Variants in ANO6 observed in about 807,000 individuals in gnomAD.
ANO6 encodes anoctamin-6.
In ANO6, 106 loss-of-function variants were observed where a neutral mutation model predicts 117.5. The ratio of observed to expected loss-of-function variants is 0.90; its 90% CI spans 0.77 to 1.06. The LOEUF is 1.06. Ranked by LOEUF, ANO6 falls within the 50% of genes least tolerant of loss-of-function variation. The pLI, the probability that ANO6 is intolerant of heterozygous loss-of-function variation, is 0.00. For synonymous variants in ANO6, 367 were observed against 385.1 expected (o/e 0.95, Z 0.55); for missense variants, 955 against 1,121.1 (o/e 0.85, Z 2.12).
intron 12 of ANO6, among the ~76,000 whole-genome samples, chr12:45,391,029 G>A (rs746762756): frequency 6.6e-5 from 10 of 151,982 alleles, no homozygotes; most frequent in African/African-American, 2.4e-4. Flanking sequence ...GCTGAGGCAC[G>A]AGAGTCACTT....
chr12:45,359,881 A>G (rs917272553), intron 8 of ANO6, among the ~76,000 whole-genome samples: 1 of 152,208 alleles, frequency 6.6e-6, no homozygotes, highest in African/African-American at 2.4e-5. Flanking sequence ...TTCCAAAGTG[A>G]CTGCATATTC....
chr12:45,218,260 A>G (rs1947345615), intron 1 of ANO6, among the ~76,000 whole-genome samples: 1 of 151,812 alleles, frequency 6.6e-6, no homozygotes, highest in African/African-American at 2.4e-5. Context: ...ATCTCAACAT[A>G]TTTTACGTCA....
At chr12:45,392,482 C>T (rs1235773171) in intron 12 of ANO6, among the ~76,000 whole-genome samples, 1 of 152,234 alleles carries the variant, frequency 6.6e-6, no homozygotes, top group Non-Finnish European at 1.5e-5. Flanking sequence ...TCTGACAGCT[C>T]TGAAGAGAGC....
chr12:45,316,957 A>C (rs1383268547), intron 2 of ANO6, among the ~76,000 whole-genome samples: 1 of 149,788 alleles, frequency 6.7e-6, no homozygotes, highest in Non-Finnish European at 1.5e-5. Flanking sequence ...AAACACTTAA[A>C]ACTGAGAAAT....
At chr12:45,280,653 C>T (rs1353753592) in intron 1 of ANO6, among the ~76,000 whole-genome samples, 1 of 152,102 alleles carries the variant, frequency 6.6e-6, no homozygotes, top group East Asian at 1.9e-4. Context: ...CCTGGCACAC[C>T]GAGTCAGCAG....
intron 1 of ANO6, among the ~76,000 whole-genome samples, chr12:45,260,174 G>T (rs962030297): frequency 2.0e-5 from 3 of 152,218 alleles, no homozygotes; most frequent in Non-Finnish European, 4.4e-5. Context: ...GAAAGAAAAA[G>T]GTTGAGTTTT....
At chr12:45,245,945 C>CA (rs560906864) in intron 1 of ANO6, among the ~76,000 whole-genome samples, 7,521 of 100,562 alleles carry the variant, frequency 0.075, 521 homozygotes, top group African/African-American at 0.2. Context: ...ACATTTTAGT[C>CA]AAAAAAAAAA....
chr12:45,331,322 C>G lies in ANO6; in HGVS notation c.178C>G (p.Leu60Val). The change falls in exon 3 of 20, where the codon CTC (leucine) becomes GTC (valine). Residue 60 changes from leucine to valine, a missense_variant. By Grantham distance (32) the Leu-to-Val change is conservative. Transcript: ENST00000320560. ...AGAATTTAATGGAAAACCTGACTCC[C>G]TCTTTTTTAATGATGGCCAGCGAAG... ...FEEFNGKPDS[L>V]FFNDGQRRID... The G allele has an allele frequency of 6.2e-7, 1 of 1,609,582 alleles. No individual in the cohort carries two copies. The highest frequency in any genetic ancestry group is 1.3e-5 in the African/African-American group (1 of 74,834).
chr12:45,234,749 C>G (rs1228024019), intron 1 of ANO6, among the ~76,000 whole-genome samples: 2 of 115,968 alleles, frequency 1.7e-5, no homozygotes, highest in African/African-American at 6.7e-5. Context: ...GCTTTTGATT[C>G]CCACTTCCTA....
intron 12 of ANO6, among the ~76,000 whole-genome samples, chr12:45,394,897 G>A (rs561501602): frequency 5.9e-5 from 9 of 152,302 alleles, no homozygotes; most frequent in African/African-American, 1.7e-4. Flanking sequence ...AAGCAGGAAC[G>A]ATCTAAAATC....
chr12:45,394,533 G>A (rs1318620598), intron 12 of ANO6, among the ~76,000 whole-genome samples: 1 of 152,166 alleles, frequency 6.6e-6, no homozygotes, highest in East Asian at 1.9e-4. Context: ...AAAAACAACA[G>A]AATATACATT....
intron 7 of ANO6, among the ~76,000 whole-genome samples, chr12:45,351,799 C>G (rs976823484): frequency 4.6e-5 from 7 of 151,972 alleles, no homozygotes; most frequent in African/African-American, 1.7e-4. Context: ...GCAGGAGCGC[C>G]GAAAAGAGTT....
chr12:45,261,213 A>G (rs1225672332), intron 1 of ANO6, among the ~76,000 whole-genome samples: 2 of 152,224 alleles, frequency 1.3e-5, no homozygotes, highest in Admixed American at 6.5e-5. Context: ...TGAGGAACAA[A>G]GAATAGGAAA....
At chr12:45,328,479 G>C (rs775459600) in intron 2 of ANO6, among the ~76,000 whole-genome samples, 65 of 152,146 alleles carry the variant, frequency 4.3e-4, no homozygotes, top group Admixed American at 9.8e-4. Flanking sequence ...GCACCGTTTT[G>C]TTGGAAAAAA....
At chr12:45,331,544 A>G (rs917159592) in intron 3 of ANO6, 121 bp downstream of exon 3, 62 of 977,712 alleles carry the variant, frequency 6.3e-5, no homozygotes, top group Non-Finnish European at 9.2e-5. Context: ...AAACAGTTTC[A>G]TATTTTCTCT....
chr12:45,372,878 C>T (rs1209590310), intron 9 of ANO6, among the ~76,000 whole-genome samples: 1 of 152,154 alleles, frequency 6.6e-6, no homozygotes, highest in African/African-American at 2.4e-5. Flanking sequence ...CTTTAAATGT[C>T]AATGGACTAA....
At chr12:45,255,450 G>A (rs1426550350) in intron 1 of ANO6, among the ~76,000 whole-genome samples, 4 of 152,252 alleles carry the variant, frequency 2.6e-5, no homozygotes, top group South Asian at 2.1e-4. Context: ...TGGCAGCTGA[G>A]ATTGTGCCAC....
intron 1 of ANO6, among the ~76,000 whole-genome samples, chr12:45,232,859 A>G (rs768974736): frequency 3.3e-5 from 5 of 152,206 alleles, no homozygotes; most frequent in Non-Finnish European, 5.9e-5. Flanking sequence ...TAGCATAATT[A>G]TCTTCCTTTC....
intron 1 of ANO6, among the ~76,000 whole-genome samples, chr12:45,257,197 T>C (rs751621632): frequency 2.6e-5 from 4 of 152,260 alleles, no homozygotes; most frequent in Non-Finnish European, 5.9e-5. Context: ...GGTTGGCTTC[T>C]GTTCTCACAT....
Sources: gnomAD v4.1 joint callset for allele counts (sites outside exome capture counted in the v4.1 genomes callset) on GRCh38, gnomAD v4.1.1 for gene constraint, MANE v1.5 for transcripts, NCBI Gene and HGNC (gene_info 2026-07-23, HGNC 2026-07-21) for gene names.